The following RANBP3L variants were observed in gnomAD, a reference collection of about 807,000 sequenced individuals.
RANBP3L encodes ran-binding protein 3-like.
RANBP3L carries 56 observed loss-of-function variants against 67.2 expected under a neutral mutation model. The observed-to-expected ratio is 0.83, with a 90% CI of 0.67 to 1.04. The LOEUF is 1.04. RANBP3L is among the 50% of genes least tolerant of loss of function. The pLI is 0.00. For missense variants in RANBP3L, 496 were observed against 535.5 expected (o/e 0.93, Z 0.73); for synonymous variants, 164 against 181.4 (o/e 0.90, Z 0.77).
intron 3 of RANBP3L, 147 bp from the exon 4 acceptor site, chr5:36,269,614 C>T (rs1750068361): frequency 3.1e-6 from 2 of 643,220 alleles, no homozygotes; most frequent in Non-Finnish European, 5.6e-6. Flanking sequence ...TAATAGTTTG[C>T]TGATTGATTA....
At chr5:36,267,518 AAAAG>A (rs1221476934) in intron 4 of RANBP3L, among the ~76,000 whole-genome samples, 1 of 148,438 alleles carries the variant, frequency 6.7e-6, no homozygotes, top group African/African-American at 2.5e-5. Context: ...AAAAAAAAAA[AAAAG>A]AAAGAAAGAA....
chr5:36,284,628 T>A (rs1751199139), intron 1 of RANBP3L, among the ~76,000 whole-genome samples: 6 of 152,224 alleles, frequency 3.9e-5, no homozygotes, highest in Admixed American at 3.9e-4. Context: ...TCCAAGGCTG[T>A]ATCAGTCCTG....
chr5:36,270,757 A>G (rs913277212), intron 2 of RANBP3L, among the ~76,000 whole-genome samples: 24 of 152,212 alleles, frequency 1.6e-4, no homozygotes, highest in Non-Finnish European at 1.5e-4. Context: ...CGTGGCCTCG[A>G]AACATGCGGG....
At position 36,260,867 on chromosome 5, in the gene RANBP3L, A is replaced by C; in HGVS notation, c.585-3T>G. Reference sequence around the variant, plus strand: ...ATTTATCTTCATTTGGTTGACATCTAAGAAAATGAAATAAGCATTTACTAT... The same window carrying C: ...ATTTATCTTCATTTGGTTGACATCTCAGAAAATGAAATAAGCATTTACTAT... On this transcript the variant is annotated splice_polypyrimidine_tract_variant and splice_region_variant and intron_variant, in intron 7 of 13. Transcript: ENST00000296604. The C allele has an allele frequency of 7.8e-7, 1 of 1,286,286 alleles. No homozygotes were observed. Among genetic ancestry groups the C allele is most frequent in the Non-Finnish European group, 1.1e-6 (1 of 893,434 alleles). The allele number at this position is 1,286,286 out of a possible 1,614,324, so 79.7% of individuals were successfully genotyped here.
chr5:36,251,382 G>A lies in RANBP3L; in HGVS notation c.1285C>T (p.Gln429Ter), dbSNP rs1339972933. ...TCACAGCTTTCGCAGTTCAATTGTTGGGCTGTTTCTGACAGGCTTTCAGCT... is the reference window on the plus strand; with the variant it reads ...TCACAGCTTTCGCAGTTCAATTGTTAGGCTGTTTCTGACAGGCTTTCAGCT... ...NQAESLSETA[Q>*]QLNCESCDEN... The change falls in exon 13 of 14, where the codon CAA (glutamine) becomes TAA (stop). Residue 429 changes from glutamine to a stop codon, truncating the protein, a stop_gained. Coordinates refer to ENST00000296604, the MANE Select transcript of RANBP3L (RefSeq NM_145000.5). LOFTEE classifies it high-confidence loss of function. 6.2e-7 allele frequency: 1 copy of A among 1,613,292 alleles called. No homozygotes were observed. The highest frequency in any genetic ancestry group is 8.5e-7 in the Non-Finnish European group (1 of 1,179,534).
chr5:36,275,087 G>A (rs997058036), intron 1 of RANBP3L, among the ~76,000 whole-genome samples: 1 of 152,066 alleles, frequency 6.6e-6, no homozygotes, highest in African/African-American at 2.4e-5. Context: ...ATTAAGAGAA[G>A]ACATTCATTC....
Position 36,301,598 on chromosome 5 carries a change from A to G in RANBP3L, c.-182T>C, listed in dbSNP as rs1752622712. 2.0e-6 allele frequency: 1 copy of G among 503,952 alleles called. No homozygotes were observed. The highest frequency in any genetic ancestry group is 3.6e-6 in the Non-Finnish European group (1 of 280,682). 31.2% of individuals were successfully genotyped at this position (503,952 alleles called of 1,614,324 possible). A position where few individuals can be genotyped will look rare whatever the true frequency, so the allele number is the denominator to read the frequency against. On this transcript the variant is annotated 5_prime_UTR_variant, in exon 1 of 14. Transcript: ENST00000296604. ...GCTTTTTCCAGTCATGATTCTTGAA[A>G]TAAATAATCACCAATGTTACTTCTC...
At chr5:36,290,707 T>C (rs1467465394) in intron 1 of RANBP3L, among the ~76,000 whole-genome samples, 2 of 148,104 alleles carry the variant, frequency 1.4e-5, no homozygotes, top group Non-Finnish European at 3.0e-5. Context: ...TAATTAGGGA[T>C]GGCCTTGGAC....
intron 1 of RANBP3L, among the ~76,000 whole-genome samples, chr5:36,273,358 T>TG (rs1750357375): frequency 6.6e-6 from 1 of 152,004 alleles, no homozygotes; most frequent in African/African-American, 2.4e-5. Context: ...TCACAAAGAG[T>TG]ACTTGCAGCT....
chr5:36,284,846 T>C (rs1379910782), intron 1 of RANBP3L, among the ~76,000 whole-genome samples: 1 of 152,238 alleles, frequency 6.6e-6, no homozygotes, highest in Non-Finnish European at 1.5e-5. Flanking sequence ...TGGATGTAGT[T>C]GGTAATTCAT....
chr5:36,258,248 A>G (rs1357312632), intron 8 of RANBP3L, among the ~76,000 whole-genome samples: 1 of 152,166 alleles, frequency 6.6e-6, no homozygotes. Context: ...AGACTAATTG[A>G]CATGACATTT....
rs1214484278 is a variant in RANBP3L at position 36,253,698 on chromosome 5, T to G, written c.1116A>C (p.Arg372=). 3.1e-6 allele frequency: 5 copies of G among 1,611,730 alleles called. No individual in the cohort carries two copies. Among genetic ancestry groups the G allele is most frequent in the African/African-American group, 1.3e-5 (1 of 74,980 alleles). Reference sequence around the variant, plus strand: ...AGTCTTCTAAATCAGTAGCTGTTATTCGTACATTTTTGTGGTTTGCTCTTT... The same window carrying G: ...AGTCTTCTAAATCAGTAGCTGTTATGCGTACATTTTTGTGGTTTGCTCTTT... The part of the protein sequence containing the change: ...KIQRANHKNV[R]ITATDLEDYS... Residue 372 remains arginine (R), a synonymous_variant, in exon 12 of 14, where the codon CGA becomes CGC. Coordinates refer to ENST00000296604, the MANE Select transcript of RANBP3L (RefSeq NM_145000.5).
intron 13 of RANBP3L, among the ~76,000 whole-genome samples, chr5:36,250,180 T>C (rs546685195): frequency 6.6e-6 from 1 of 152,132 alleles, no homozygotes; most frequent in Non-Finnish European, 1.5e-5. Flanking sequence ...AAATTGACAT[T>C]GTTAATGTGT....
At chr5:36,266,346 T>C (rs1255279946) in intron 4 of RANBP3L, among the ~76,000 whole-genome samples, 1 of 152,208 alleles carries the variant, frequency 6.6e-6, no homozygotes, top group Non-Finnish European at 1.5e-5. Flanking sequence ...AGAATTTCTA[T>C]ACATTTCAAA....
At position 36,274,548 on chromosome 5, in the gene RANBP3L, C is replaced by A. The variant is rs530278110; in HGVS notation, c.92-3237G>T. 1.7e-3 allele frequency among the ~76,000 whole-genome samples: 262 copies of A among 152,124 alleles called. 2 individuals are homozygous for A. Among genetic ancestry groups the A allele is most frequent in the Non-Finnish European group, 2.8e-3 (188 of 68,006 alleles). ...TTGGCACATTTAATAATGAAAGGAA[C>A]CAGTGTAGCTGATACCCTAAGAAAA... On this transcript the variant is annotated intron_variant, in intron 1 of 13. Coordinates refer to ENST00000296604, the MANE Select transcript of RANBP3L (RefSeq NM_145000.5).
At chr5:36,253,079 C>T (rs1014044599) in intron 12 of RANBP3L, among the ~76,000 whole-genome samples, 13 of 151,930 alleles carry the variant, frequency 8.6e-5, no homozygotes, top group Non-Finnish European at 1.3e-4. Context: ...TGCCAGCTCT[C>T]TTGGGTCTGG....
intron 1 of RANBP3L, among the ~76,000 whole-genome samples, chr5:36,293,880 T>C (rs1751993137): frequency 2.0e-5 from 3 of 147,298 alleles, no homozygotes. Flanking sequence ...GTTGTGTCTC[T>C]GCCCGGCTTT....
In RANBP3L at chr5:36,248,925, A is replaced by G. The variant is rs970289905; in HGVS notation, c.*729T>C. On this transcript the variant is annotated 3_prime_UTR_variant, in exon 14 of 14. Coordinates refer to ENST00000296604, the MANE Select transcript of RANBP3L (RefSeq NM_145000.5). Reference sequence around the variant, plus strand: ...TACAGCCCCATCTACTAAAATACTAATGAAAATATAATTACATAAATAAAG... The same window carrying G: ...TACAGCCCCATCTACTAAAATACTAGTGAAAATATAATTACATAAATAAAG... 1 of 152,168 alleles carries G rather than the reference A, an allele frequency of 6.6e-6. No individual in the cohort carries two copies. The highest frequency in any genetic ancestry group is 1.5e-5 in the Non-Finnish European group (1 of 67,976). 9.4% of individuals were successfully genotyped at this position (152,168 alleles called of 1,614,324 possible). A position where few individuals can be genotyped will look rare whatever the true frequency, so the allele number is the denominator to read the frequency against.
At position 36,251,506 on chromosome 5, in the gene RANBP3L, G is replaced by A; in HGVS notation, c.1168-7C>T. The A allele has an allele frequency of 6.4e-7, 1 of 1,573,060 alleles. No homozygotes were observed. The highest frequency in any genetic ancestry group is 8.6e-7 in the Non-Finnish European group (1 of 1,156,830). The stretch of plus-strand genomic sequence containing the variant: ...CTGTATCTTGGGCACTGGCCTGCAT[G>A]AGGAACATTAAATTGTTAAGAAAAT... On this transcript the variant is annotated splice_polypyrimidine_tract_variant and splice_region_variant and intron_variant, in intron 12 of 13. Transcript: ENST00000296604.
Sources: gnomAD v4.1 joint callset for allele counts (sites outside exome capture counted in the v4.1 genomes callset) on GRCh38, gnomAD v4.1.1 for gene constraint, MANE v1.5 for transcripts, NCBI Gene and HGNC (gene_info 2026-07-23, HGNC 2026-07-21) for gene names.